The following SGCD variants were observed in gnomAD, a reference collection of about 807,000 sequenced individuals.
SGCD encodes delta-sarcoglycan.
A neutral mutation model predicts 36.6 loss-of-function variants in SGCD; 18 were observed. That is an observed-to-expected ratio of 0.49 (90% CI 0.34 to 0.73). The LOEUF is 0.73. SGCD is among the 30% of genes least tolerant of loss of function. The pLI, the probability that SGCD is intolerant of heterozygous loss-of-function variation, is 0.01. For synonymous variants in SGCD, 133 were observed against 130.6 expected (o/e 1.02, Z -0.12); for missense variants, 387 against 346.7 (o/e 1.12, Z -0.92).
the SGCD span, among the ~76,000 whole-genome samples, chr5:155,814,703 T>A: frequency 6.6e-6 from 1 of 152,168 alleles, no homozygotes; most frequent in African/African-American, 2.4e-5. Context: ...TATCAATACT[T>A]TAAACCCAGT....
chr5:155,974,040 A>G (rs939335677), intron 1 of SGCD, among the ~76,000 whole-genome samples: 1 of 152,200 alleles, frequency 6.6e-6, no homozygotes, highest in East Asian at 1.9e-4. Context: ...CTGGCAGTCA[A>G]TTCATGCTGT....
chr5:156,621,910 A>T (rs556836322), intron 6 of SGCD, among the ~76,000 whole-genome samples: 1 of 152,262 alleles, frequency 6.6e-6, no homozygotes, highest in Admixed American at 6.5e-5. Flanking sequence ...GATAAGTTTC[A>T]TTCTTATTTT....
At chr5:156,516,999 AAAAAC>A (rs755925746) in intron 4 of SGCD, among the ~76,000 whole-genome samples, 3 of 152,296 alleles carry the variant, frequency 2.0e-5, no homozygotes, top group African/African-American at 7.2e-5. Flanking sequence ...CTACATCTCA[AAAAAC>A]AAAACAAAAA....
At chr5:156,113,318 A>AT (rs537735951) in intron 1 of SGCD, among the ~76,000 whole-genome samples, 17 of 152,058 alleles carry the variant, frequency 1.1e-4, no homozygotes, top group Non-Finnish European at 1.9e-4. Flanking sequence ...TGGAGGGAAG[A>AT]TTTTTTTCCT....
the SGCD span, among the ~76,000 whole-genome samples, chr5:155,773,112 A>G: frequency 6.6e-6 from 1 of 152,138 alleles, no homozygotes; most frequent in Non-Finnish European, 1.5e-5. Flanking sequence ...ACCACCCAGT[A>G]GATAAGGCAC....
At chr5:156,457,014 A>G (rs1754292533) in intron 3 of SGCD, among the ~76,000 whole-genome samples, 1 of 152,080 alleles carries the variant, frequency 6.6e-6, no homozygotes, top group East Asian at 1.9e-4. Context: ...CTAAGGAAAT[A>G]TTTTTAGTTT....
At chr5:155,843,518 G>C in the SGCD span, among the ~76,000 whole-genome samples, 2 of 152,196 alleles carry the variant, frequency 1.3e-5, no homozygotes, top group African/African-American at 4.8e-5. Context: ...TAGGTCAGCA[G>C]GCTGAATTGT....
intron 4 of SGCD, among the ~76,000 whole-genome samples, chr5:156,557,470 C>CA (rs1452777959): frequency 6.6e-6 from 1 of 152,124 alleles, no homozygotes; most frequent in Non-Finnish European, 1.5e-5. Context: ...TAGGAGTCAG[C>CA]AAACTACAGG....
At chr5:156,728,817 C>T (rs1755914716) in intron 7 of SGCD, among the ~76,000 whole-genome samples, 1 of 152,134 alleles carries the variant, frequency 6.6e-6, no homozygotes, top group South Asian at 2.1e-4. Context: ...GTTGCAAAAA[C>T]ATCACTTGTA....
At chr5:156,598,377 A>G in intron 6 of SGCD, among the ~76,000 whole-genome samples, 1 of 152,126 alleles carries the variant, frequency 6.6e-6, no homozygotes, top group East Asian at 1.9e-4. Context: ...CCCCGTCTCT[A>G]CTAAAAATAT....
At position 156,487,813 on chromosome 5, in the gene SGCD, A is replaced by AAAAAAAAAAAAAAAAG. The variant is rs1554107842; in HGVS notation, c.193-20785_193-20784insAAAAAAAAAAAAGAAA. On this transcript the variant is annotated intron_variant, in intron 3 of 8. Transcript: ENST00000337851. ...CAAAAAAAAAAAAAAAAAAAAAAAAAAAAGAAAGAAAGAAAAAGCTTAACA... is the reference window on the plus strand; with the variant it reads ...CAAAAAAAAAAAAAAAAAAAAAAAAAAAAAAAAAAAAAAAAGAAAGAAAGAAAGAAAAAGCTTAACA... Among the ~76,000 whole-genome samples, 98 of 77,780 alleles carry AAAAAAAAAAAAAAAAG rather than the reference A, an allele frequency of 1.3e-3. 8 individuals carry two copies. The highest frequency in any genetic ancestry group is 2.2e-3 in the East Asian group (5 of 2,286). The allele number at this position is 77,780 out of a possible 152,430, so 51.0% of individuals were successfully genotyped here.
At chr5:155,800,452 T>C in the SGCD span, among the ~76,000 whole-genome samples, 7 of 152,216 alleles carry the variant, frequency 4.6e-5, no homozygotes, top group Non-Finnish European at 8.8e-5. Context: ...GGTAGAAGGT[T>C]TTTGAGCTAC....
intron 1 of SGCD, among the ~76,000 whole-genome samples, chr5:155,915,538 G>A (rs1024015266): frequency 2.6e-5 from 4 of 152,108 alleles, no homozygotes; most frequent in Non-Finnish European, 4.4e-5. Context: ...ATTAATCAAT[G>A]TTTAATTAAA....
At chr5:156,254,668 G>A (rs1341572563) in intron 3 of SGCD, among the ~76,000 whole-genome samples, 5 of 152,060 alleles carry the variant, frequency 3.3e-5, no homozygotes, top group African/African-American at 1.2e-4. Context: ...AGGCAACATA[G>A]CGAGACTCCA....
intron 3 of SGCD, among the ~76,000 whole-genome samples, chr5:156,402,315 T>C (rs1317254475): frequency 6.6e-6 from 1 of 152,224 alleles, no homozygotes; most frequent in Non-Finnish European, 1.5e-5. Context: ...GTATGAGACC[T>C]TGGTTCTTAT....
At chr5:156,627,706 C>A (rs1182128509) in intron 6 of SGCD, among the ~76,000 whole-genome samples, 4 of 152,004 alleles carry the variant, frequency 2.6e-5, no homozygotes, top group Admixed American at 2.0e-4. Flanking sequence ...GTTGGGAAAT[C>A]CAAGACAAGA....
chr5:155,859,058 C>T, the SGCD span, among the ~76,000 whole-genome samples: 1 of 148,852 alleles, frequency 6.7e-6, no homozygotes, highest in Non-Finnish European at 1.5e-5. Flanking sequence ...ATCAGGTTTT[C>T]TTTTCTTTTC....
chr5:156,756,039 C>CA (rs1259894280), intron 7 of SGCD, among the ~76,000 whole-genome samples: 2 of 152,050 alleles, frequency 1.3e-5, no homozygotes, highest in African/African-American at 2.4e-5. Context: ...GAGGCAGTGG[C>CA]AAAAACAGAA....
chr5:155,746,250 G>A, the SGCD span, among the ~76,000 whole-genome samples: 1 of 152,164 alleles, frequency 6.6e-6, no homozygotes, highest in South Asian at 2.1e-4. Flanking sequence ...TGAGAAGTGT[G>A]AGTGTCCTCG....
Sources: allele counts gnomAD v4.1 joint callset (sites outside exome capture counted in the v4.1 genomes callset), GRCh38; gene constraint gnomAD v4.1.1; transcripts MANE v1.5; gene names NCBI Gene and HGNC (gene_info 2026-07-23, HGNC 2026-07-21).